CC2D2A: variants seen among roughly 807,000 people sequenced by gnomAD.
The protein encoded by CC2D2A is coiled-coil and C2 domain containing 2A.
CC2D2A carries 155 observed loss-of-function variants against 212.9 expected under a neutral mutation model. That is an observed-to-expected ratio of 0.73 (90% CI 0.64 to 0.83). The LOEUF is 0.83. Among genes scored for constraint, CC2D2A ranks in the 40% least tolerant of loss-of-function variants. The pLI, the probability that CC2D2A is intolerant of heterozygous loss-of-function variation, is 0.00. For synonymous variants in CC2D2A, 667 were observed against 686.5 expected (o/e 0.97, Z 0.44); for missense variants, 1,856 against 1,956.2 (o/e 0.95, Z 0.97).
chr4:15,516,106 CT>C, intron 10 of CC2D2A, 102 bp downstream of exon 10: 1 of 1,204,860 alleles, frequency 8.3e-7, no homozygotes, highest in Non-Finnish European at 1.1e-6. Context: ...CTCATTTCCT[CT>C]TGAGGTTATC....
At chr4:15,580,922 C>A (rs1720633660) in intron 30 of CC2D2A, among the ~76,000 whole-genome samples, 1 of 152,104 alleles carries the variant, frequency 6.6e-6, no homozygotes, top group Non-Finnish European at 1.5e-5. Flanking sequence ...TAAGTATTTT[C>A]AGCATTTAGA....
chr4:15,501,403 G>A (rs1715942037), intron 4 of CC2D2A, among the ~76,000 whole-genome samples: 1 of 152,024 alleles, frequency 6.6e-6, no homozygotes, highest in Non-Finnish European at 1.5e-5. Flanking sequence ...CTGTGGTACA[G>A]CTTCTGAAAA....
At chr4:15,524,426 C>T (rs1049300458) in intron 11 of CC2D2A, among the ~76,000 whole-genome samples, 35 of 148,354 alleles carry the variant, frequency 2.4e-4, no homozygotes, top group Non-Finnish European at 3.7e-4. Context: ...CCACTGCACT[C>T]GGCCTTCTGT....
intron 26 of CC2D2A, 49 bp from the exon 27 acceptor site, chr4:15,569,244 T>C: frequency 9.7e-7 from 1 of 1,027,534 alleles, no homozygotes; most frequent in Non-Finnish European, 1.5e-6. Context: ...ATGCTCATAA[T>C]TTCTATGTTG....
chr4:15,566,224 C>T (rs1268398047), intron 24 of CC2D2A, among the ~76,000 whole-genome samples: 2 of 152,190 alleles, frequency 1.3e-5, no homozygotes, highest in East Asian at 1.9e-4. Flanking sequence ...GAGGATAAGA[C>T]TCGCTGATCC....
intron 18 of CC2D2A, among the ~76,000 whole-genome samples, chr4:15,551,781 G>C (rs1353031385): frequency 6.6e-6 from 1 of 151,806 alleles, no homozygotes; most frequent in Non-Finnish European, 1.5e-5. Context: ...TCTACTTATT[G>C]GTCTGATTCT....
At chr4:15,549,451 G>A (rs1286130221) in intron 17 of CC2D2A, among the ~76,000 whole-genome samples, 4 of 152,256 alleles carry the variant, frequency 2.6e-5, no homozygotes, top group South Asian at 4.1e-4. Context: ...CAGCCATCTT[G>A]CAAAGGTGAG....
At chr4:15,525,871 A>T (rs751571606) in intron 11 of CC2D2A, among the ~76,000 whole-genome samples, 21 of 152,292 alleles carry the variant, frequency 1.4e-4, no homozygotes, top group Non-Finnish European at 2.4e-4. Context: ...TGGTTGGGCT[A>T]AGCAAAAAGC....
chr4:15,539,224 C>G (rs1316205892), intron 16 of CC2D2A, among the ~76,000 whole-genome samples: 1 of 152,006 alleles, frequency 6.6e-6, no homozygotes, highest in Non-Finnish European at 1.5e-5. Flanking sequence ...AACCTGAAAC[C>G]CTGAGGTGGG....
At chr4:15,601,208 T>A (rs776019337) in intron 36 of CC2D2A, 29 bp from the exon 37 acceptor site, 1 of 1,566,204 alleles carries the variant, frequency 6.4e-7, no homozygotes, top group Non-Finnish European at 8.8e-7. Context: ...CAAACTTCAC[T>A]AATGACTACA....
intron 19 of CC2D2A, among the ~76,000 whole-genome samples, chr4:15,554,347 G>T (rs1719166486): frequency 6.6e-6 from 1 of 152,188 alleles, no homozygotes; most frequent in Non-Finnish European, 1.5e-5. Flanking sequence ...ATCTCCAGGT[G>T]TCCAAAGCTG....
chr4:15,492,880 G>A, intron 4 of CC2D2A: 1 of 566,274 alleles, frequency 1.8e-6, no homozygotes, highest in South Asian at 1.5e-5. Flanking sequence ...GTTAAAGTCG[G>A]AGAAGACAGC....
chr4:15,494,043 T>C (rs1715467114), intron 4 of CC2D2A, among the ~76,000 whole-genome samples: 1 of 152,192 alleles, frequency 6.6e-6, no homozygotes, highest in Non-Finnish European at 1.5e-5. Context: ...CCTGTTAATA[T>C]TTTTTTCCAC....
At chr4:15,554,964 C>A in intron 19 of CC2D2A, 108 bp from the exon 20 acceptor site, 1 of 1,084,170 alleles carries the variant, frequency 9.2e-7, no homozygotes, top group Non-Finnish European at 1.3e-6. Context: ...CATTTTCTCT[C>A]ATGGAGGATA....
intron 35 of CC2D2A, 74 bp downstream of exon 35, chr4:15,597,539 C>A: frequency 8.6e-7 from 1 of 1,159,370 alleles, no homozygotes; most frequent in Non-Finnish European, 1.3e-6. Context: ...CCACTGTCAG[C>A]CTGGATGAAT....
intron 1 of CC2D2A, among the ~76,000 whole-genome samples, chr4:15,472,951 G>T (rs1213137987): frequency 6.6e-6 from 1 of 152,190 alleles, no homozygotes; most frequent in East Asian, 1.9e-4. Flanking sequence ...TCCCAGTTAA[G>T]ATTTGGGTTC....
chr4:15,507,537 A>G (rs1673108930), intron 6 of CC2D2A, among the ~76,000 whole-genome samples: 1 of 152,200 alleles, frequency 6.6e-6, no homozygotes, highest in Non-Finnish European at 1.5e-5. Flanking sequence ...GGAAGCACCA[A>G]CTATGTAGAG....
Position 15,537,036 on chromosome 4 carries a change from G to A in CC2D2A, c.1724G>A (p.Arg575Lys). The change falls in exon 15 of 37, where the codon AGA becomes AAA. Residue 575 changes from arginine to lysine, a missense_variant. Physicochemically the swap from Arg to Lys is conservative, Grantham distance 26. Transcript: ENST00000424120. ...TACGCACAGAAGATGGAAGAATACA[G>A]AACGTCGTTACAACAGTGGAAGGCC... ...EEYAQKMEEY[R>K]TSLQQWKAWR... The A allele has an allele frequency of 6.2e-7, 1 of 1,613,674 alleles. No individual in the cohort carries two copies. Among genetic ancestry groups the A allele is most frequent in the Non-Finnish European group, 8.5e-7 (1 of 1,179,684 alleles).
At position 15,524,740 on chromosome 4, in the gene CC2D2A, C is replaced by T. The variant is rs186638485; in HGVS notation, c.1150-2707C>T. On this transcript the variant is annotated intron_variant, in intron 11 of 36. Coordinates refer to ENST00000424120, the MANE Select transcript of CC2D2A (RefSeq NM_001378615.1). ...TGCTGGGATTACAGGCGTGAGCCAC[C>T]GCACCCGGCTTTAATTTTTTTTTCT... Among the ~76,000 whole-genome samples, 471 of 152,012 alleles carry T rather than the reference C, an allele frequency of 3.1e-3. 2 individuals carry two copies. The highest frequency in any genetic ancestry group is 6.8e-3 in the Middle Eastern group (2 of 294).
Sources: allele counts gnomAD v4.1 joint callset (sites outside exome capture counted in the v4.1 genomes callset), GRCh38; gene constraint gnomAD v4.1.1; transcripts MANE v1.5; gene names NCBI Gene and HGNC (gene_info 2026-07-23, HGNC 2026-07-21).